NPAS3: variants seen among roughly 807,000 people sequenced by gnomAD.
NPAS3 encodes the protein neuronal PAS domain protein 3.
In NPAS3, 14 loss-of-function variants were observed where a neutral mutation model predicts 73.1. That is an observed-to-expected ratio of 0.19 (90% CI 0.13 to 0.30). NPAS3 has a LOEUF of 0.30. NPAS3 is among the 10% of genes least tolerant of loss of function. NPAS3 has a pLI of 1.00. For synonymous variants in NPAS3, 620 were observed against 541.5 expected (o/e 1.14, Z -2.01); for missense variants, 1,096 against 1,250.0 (o/e 0.88, Z 1.86).
chr14:33,093,578 A>C (rs1433783976), intron 2 of NPAS3, among the ~76,000 whole-genome samples: 1 of 152,122 alleles, frequency 6.6e-6, no homozygotes, highest in Admixed American at 6.5e-5. Context: ...TCAGGGATCT[A>C]GAACTAGAAA....
At chr14:33,310,815 AC>A (rs1206335288) in intron 3 of NPAS3, among the ~76,000 whole-genome samples, 2 of 151,886 alleles carry the variant, frequency 1.3e-5, no homozygotes, top group Non-Finnish European at 2.9e-5. Context: ...ACACACACAC[AC>A]ACACACACAC....
chr14:33,633,280 C>T (rs562070115), intron 5 of NPAS3, among the ~76,000 whole-genome samples: 27 of 151,986 alleles, frequency 1.8e-4, no homozygotes, highest in East Asian at 3.9e-4. Context: ...TTGATGCCCT[C>T]GAATGCAAAC....
intron 7 of NPAS3, among the ~76,000 whole-genome samples, chr14:33,751,338 G>A (rs1056581009): frequency 1.3e-5 from 2 of 152,108 alleles, no homozygotes; most frequent in Admixed American, 6.6e-5. Context: ...TTCTCCATTC[G>A]TTTTTCCTTC....
At chr14:33,659,743 AAGT>A (rs2059253937) in intron 5 of NPAS3, among the ~76,000 whole-genome samples, 2 of 152,192 alleles carry the variant, frequency 1.3e-5, no homozygotes, top group Non-Finnish European at 2.9e-5. Context: ...GCAAAAAAAA[AAGT>A]AGCATTAGAG....
At chr14:33,573,502 T>C (rs762715657) in intron 5 of NPAS3, among the ~76,000 whole-genome samples, 1 of 152,146 alleles carries the variant, frequency 6.6e-6, no homozygotes, top group African/African-American at 2.4e-5. Flanking sequence ...CTGGAGAAGT[T>C]TGCAAAGAAT....
chr14:33,537,103 A>G (rs982578829), intron 4 of NPAS3, among the ~76,000 whole-genome samples: 16 of 152,230 alleles, frequency 1.1e-4, no homozygotes, highest in Non-Finnish European at 2.1e-4. Context: ...TGGTAAGTCA[A>G]TATGATGGTG....
At chr14:33,587,186 T>C (rs1332121299) in intron 5 of NPAS3, among the ~76,000 whole-genome samples, 4 of 152,246 alleles carry the variant, frequency 2.6e-5, no homozygotes, top group Non-Finnish European at 4.4e-5. Context: ...TAGTCTGTTG[T>C]CAATTGATCA....
chr14:33,237,848 A>G (rs2048088161), intron 3 of NPAS3, among the ~76,000 whole-genome samples: 1 of 151,788 alleles, frequency 6.6e-6, no homozygotes, highest in South Asian at 2.1e-4. Context: ...GCAGTATATA[A>G]ACTATGCATT....
intron 9 of NPAS3, among the ~76,000 whole-genome samples, chr14:33,792,932 C>G (rs2063405318): frequency 6.6e-6 from 1 of 152,226 alleles, no homozygotes. Context: ...CAAGTAATAA[C>G]AGCAGGTTTT....
intron 11 of NPAS3, 73 bp from the exon 12 acceptor site, chr14:33,799,661 C>G (rs2063621770): frequency 6.6e-7 from 1 of 1,511,842 alleles, no homozygotes; most frequent in South Asian, 1.2e-5. Context: ...CAGGCTGGGT[C>G]GCCCCGCTAA....
intron 2 of NPAS3, among the ~76,000 whole-genome samples, chr14:33,128,340 A>G (rs915925234): frequency 6.2e-4 from 94 of 152,290 alleles, no homozygotes; most frequent in African/African-American, 2.2e-3. Flanking sequence ...TTTTTTCTCA[A>G]TCAACAATAT....
intron 3 of NPAS3, among the ~76,000 whole-genome samples, chr14:33,320,069 T>A (rs552713156): frequency 5.9e-5 from 9 of 152,040 alleles, no homozygotes; most frequent in African/African-American, 1.9e-4. Context: ...TGTAGAGGAA[T>A]TGGGGTTGGA....
intron 1 of NPAS3, among the ~76,000 whole-genome samples, chr14:32,999,492 C>T (rs1281066176): frequency 6.7e-6 from 1 of 149,934 alleles, no homozygotes; most frequent in Admixed American, 6.6e-5. Flanking sequence ...GCCTGGGTGA[C>T]AGTATGAGAT....
At chr14:33,249,145 C>A (rs937682187) in intron 3 of NPAS3, among the ~76,000 whole-genome samples, 2 of 151,920 alleles carry the variant, frequency 1.3e-5, no homozygotes, top group Admixed American at 1.3e-4. Flanking sequence ...TTAAAATTTT[C>A]GAAGATTAGA....
At chr14:33,455,198 G>A (rs913200837) in intron 4 of NPAS3, among the ~76,000 whole-genome samples, 7 of 152,102 alleles carry the variant, frequency 4.6e-5, no homozygotes, top group South Asian at 2.1e-4. Flanking sequence ...ACAAAGCTTT[G>A]GTTTACATTT....
chr14:33,783,197 G>C (rs2138544787), intron 9 of NPAS3, among the ~76,000 whole-genome samples: 1 of 152,334 alleles, frequency 6.6e-6, no homozygotes, highest in Middle Eastern at 3.4e-3. Flanking sequence ...TGGGTATGCA[G>C]CCACTGCACA....
intron 3 of NPAS3, among the ~76,000 whole-genome samples, chr14:33,245,935 T>TC: frequency 6.6e-6 from 1 of 152,176 alleles, no homozygotes; most frequent in Middle Eastern, 3.4e-3. Context: ...TTTTTTTTTT[T>TC]TTTAGCTGGC....
At chr14:33,232,352 A>G (rs996216928) in intron 3 of NPAS3, among the ~76,000 whole-genome samples, 1 of 152,188 alleles carries the variant, frequency 6.6e-6, no homozygotes, top group East Asian at 1.9e-4. Context: ...ACACTTGCAC[A>G]CTTCATCACT....
chr14:33,636,057 A>C (rs1225426690), intron 5 of NPAS3, among the ~76,000 whole-genome samples: 1 of 152,112 alleles, frequency 6.6e-6, no homozygotes, highest in Non-Finnish European at 1.5e-5. Context: ...AGTAGCTGGG[A>C]TTACAGGCAT....
Sources: allele counts gnomAD v4.1 joint callset (sites outside exome capture counted in the v4.1 genomes callset), GRCh38; gene constraint gnomAD v4.1.1; transcripts MANE v1.5; gene names NCBI Gene and HGNC (gene_info 2026-07-23, HGNC 2026-07-21).